RPTOR: variants seen among roughly 807,000 people sequenced by gnomAD.
RPTOR encodes the protein regulatory associated protein of MTOR complex 1.
RPTOR carries 21 observed loss-of-function variants against 169.9 expected under a neutral mutation model. That is an observed-to-expected ratio of 0.12 (90% confidence interval 0.09 to 0.18). The LOEUF is 0.18. RPTOR is among the 10% of genes least tolerant of loss of function. RPTOR has a pLI of 1.00. For synonymous variants in RPTOR, 732 were observed against 753.2 expected (o/e 0.97, Z 0.46); for missense variants, 1,133 against 1,855.9 (o/e 0.61, Z 7.16).
chr17:80,943,792 C>T (rs544555007), intron 25 of RPTOR, among the ~76,000 whole-genome samples: 37 of 152,046 alleles, frequency 2.4e-4, no homozygotes, highest in African/African-American at 8.2e-4. Context: ...GGTGAGGACA[C>T]GGTTAGTAAG....
chr17:80,840,627 ACT>A (rs1169940373), intron 10 of RPTOR, among the ~76,000 whole-genome samples: 1 of 68,006 alleles, frequency 1.5e-5, no homozygotes, highest in Non-Finnish European at 3.3e-5. Context: ...ACCACAGCTC[ACT>A]CTCACCGCAC....
intron 10 of RPTOR, among the ~76,000 whole-genome samples, chr17:80,838,764 C>T (rs2067594135): frequency 6.6e-6 from 1 of 152,140 alleles, no homozygotes; most frequent in Non-Finnish European, 1.5e-5. Context: ...CCCGTTGGGG[C>T]CACACCTGAG....
chr17:80,753,961 G>A (rs1300618424), intron 5 of RPTOR, 49 bp from the exon 6 acceptor site: 2 of 1,527,924 alleles, frequency 1.3e-6, no homozygotes, highest in Non-Finnish European at 1.8e-6. Context: ...ATTTGGTTGT[G>A]ACCAGCAGCT....
chr17:80,584,628 A>G (rs2065043728), intron 1 of RPTOR, among the ~76,000 whole-genome samples: 1 of 152,188 alleles, frequency 6.6e-6, no homozygotes, highest in Non-Finnish European at 1.5e-5. Context: ...CATTTTTCCC[A>G]CAACCTTTCC....
chr17:80,685,179 G>GGCGCCCC (rs2065928608), intron 3 of RPTOR, among the ~76,000 whole-genome samples: 1 of 151,828 alleles, frequency 6.6e-6, no homozygotes, highest in Non-Finnish European at 1.5e-5. Context: ...CTCATTCGGA[G>GGCGCCCC]TCACCCCTCA....
intron 20 of RPTOR, among the ~76,000 whole-genome samples, chr17:80,903,718 G>A (rs533390559): frequency 3.4e-4 from 52 of 152,232 alleles, no homozygotes; most frequent in African/African-American, 9.2e-4. Flanking sequence ...CAAGCCCCGC[G>A]TGCAGCTCCA....
chr17:80,602,636 A>C (rs1304248740), intron 1 of RPTOR: 9 of 666,286 alleles, frequency 1.4e-5, no homozygotes, highest in Non-Finnish European at 2.3e-5. Context: ...TATTTGGTGA[A>C]TCTTCATCCT....
intron 1 of RPTOR, among the ~76,000 whole-genome samples, chr17:80,590,439 A>G (rs2065095676): frequency 6.8e-6 from 1 of 146,122 alleles, no homozygotes; most frequent in Non-Finnish European, 1.5e-5. Context: ...AGTGTCTTTA[A>G]TGGTTGAGCC....
At chr17:80,828,383 C>G (rs1180049660) in intron 9 of RPTOR, among the ~76,000 whole-genome samples, 1 of 152,216 alleles carries the variant, frequency 6.6e-6, no homozygotes, top group Non-Finnish European at 1.5e-5. Flanking sequence ...GAACAGAGCC[C>G]TGGGGTTTTC....
intron 1 of RPTOR, among the ~76,000 whole-genome samples, chr17:80,592,220 A>C (rs1177022536): frequency 6.6e-6 from 1 of 152,224 alleles, no homozygotes; most frequent in Non-Finnish European, 1.5e-5. Context: ...TAGATTAGGT[A>C]GGAGAGAGAG....
chr17:80,713,519 C>T (rs957954432), intron 4 of RPTOR, among the ~76,000 whole-genome samples: 3 of 152,012 alleles, frequency 2.0e-5, no homozygotes, highest in African/African-American at 7.3e-5. Flanking sequence ...AAGTTTTTGT[C>T]AAACCAGATT....
Position 80,707,752 on chromosome 17 carries a change from A to G in RPTOR, c.349-89A>G, listed in dbSNP as rs569839419. On this transcript the variant is annotated intron_variant, in intron 3 of 33. Transcript: ENST00000306801. This position sits in a 1 kb window ranked among gnomAD's most constrained non-coding sequence, Gnocchi z 5.0. ...TGTGTCCAGGACCACACAGCTATTA[A>G]CTGCAAACCCAGAGGAAAGGGTAGG... The G allele has an allele frequency of 7.7e-7, 1 of 1,305,760 alleles. No individual in the cohort carries two copies. The highest frequency in any genetic ancestry group is 2.4e-5 in the East Asian group (1 of 41,838). 80.9% of individuals were successfully genotyped at this position (1,305,760 alleles called of 1,614,324 possible).
intron 3 of RPTOR, among the ~76,000 whole-genome samples, chr17:80,675,600 G>T (rs1225522757): frequency 2.6e-5 from 4 of 152,138 alleles, no homozygotes; most frequent in Non-Finnish European, 5.9e-5. Flanking sequence ...GTTGCCTCCT[G>T]CCCCTCAGGC....
rs768087793 is a variant in RPTOR, at chr17:80,651,607, G to A, written c.348+7797G>A. Among the ~76,000 whole-genome samples the A allele has an allele frequency of 5.9e-5, 9 of 152,196 alleles. No individual in the cohort carries two copies. Among genetic ancestry groups the A allele is most frequent in the African/African-American group, 1.4e-4 (6 of 41,446 alleles). The stretch of plus-strand genomic sequence containing the variant: ...TTTAAAGTGTACAACTTGGCTGGGC[G>A]CAGTGGCTCGCGCCTGTAATCCTAG... On this transcript the variant is annotated intron_variant, in intron 3 of 33. Coordinates refer to ENST00000306801, the MANE Select transcript of RPTOR (RefSeq NM_020761.3). The surrounding 1 kb of genome is among the most constrained non-coding windows in gnomAD (Gnocchi z 4.1).
chr17:80,598,539 G>C (rs1165933176), intron 1 of RPTOR, among the ~76,000 whole-genome samples: 1 of 152,182 alleles, frequency 6.6e-6, no homozygotes, highest in African/African-American at 2.4e-5. Flanking sequence ...TTTGGGGTGA[G>C]AGAGTCCTCA....
chr17:80,908,777 T>G (rs763401523), intron 20 of RPTOR, 34 bp from the exon 21 acceptor site: 2 of 1,521,960 alleles, frequency 1.3e-6, no homozygotes, highest in Admixed American at 1.7e-5. Context: ...GGCAGCTACT[T>G]TCCACTAAAA....
intron 13 of RPTOR, among the ~76,000 whole-genome samples, chr17:80,859,668 T>C (rs576677632): frequency 1.6e-4 from 24 of 152,334 alleles, no homozygotes; most frequent in Admixed American, 1.4e-3. Flanking sequence ...TTAGAAGGCC[T>C]GTAGGAGCAG....
At chr17:80,790,293 G>A (rs539075884) in intron 6 of RPTOR, among the ~76,000 whole-genome samples, 1 of 152,212 alleles carries the variant, frequency 6.6e-6, no homozygotes, top group Non-Finnish European at 1.5e-5. Context: ...GACTACTGCA[G>A]CCACAACCAA....
intron 9 of RPTOR, among the ~76,000 whole-genome samples, chr17:80,830,504 C>T (rs7216906): frequency 0.01 from 1,592 of 152,356 alleles, 26 homozygotes; most frequent in African/African-American, 0.036. Context: ...AGGTGCTCTG[C>T]CAAAGCCACT....
Sources: gnomAD v4.1 joint callset for allele counts (sites outside exome capture counted in the v4.1 genomes callset) on GRCh38, gnomAD v4.1.1 for gene constraint, Gnocchi (gnomAD v3.1) non-coding constraint, MANE v1.5 for transcripts, NCBI Gene and HGNC (gene_info 2026-07-23, HGNC 2026-07-21) for gene names.